WIPF3: variants seen among roughly 807,000 people sequenced by gnomAD.
The protein encoded by WIPF3 is WAS/WASL interacting protein family member 3, also known as WAS/WASL-interacting protein family member 3.
Under a neutral mutation model 38.9 loss-of-function variants are expected in WIPF3, and 33 were observed. That is an observed-to-expected ratio of 0.85 (90% CI 0.64 to 1.14). The LOEUF (loss-of-function observed/expected upper bound fraction) is 1.14. WIPF3 is among the 50% of genes most tolerant of loss of function. The pLI is 0.00. For missense variants in WIPF3, 711 were observed against 652.5 expected (o/e 1.09, Z -0.98); for synonymous variants, 324 against 269.3 (o/e 1.20, Z -1.99).
At position 29,916,210 on chromosome 7, in the gene WIPF3, G is replaced by A. The variant is rs1786611902; in HGVS notation, c.*1694G>A. The A allele has an allele frequency of 6.6e-6, 1 of 152,168 alleles. No individual in the cohort carries two copies. Among genetic ancestry groups the A allele is most frequent in the Non-Finnish European group, 1.5e-5 (1 of 68,034 alleles). 9.4% of individuals were successfully genotyped at this position (152,168 alleles called of 1,614,324 possible). A position where few individuals can be genotyped will look rare whatever the true frequency, so the allele number is the denominator to read the frequency against. ...TAACTAATTTGTTTTATTGGTTCTG[G>A]AAGATTTCCAAAAAGCCAGAATTTA... On this transcript the variant is annotated 3_prime_UTR_variant, in exon 9 of 9. Coordinates refer to ENST00000242140, the MANE Select transcript of WIPF3 (RefSeq NM_001080529.3).
At chr7:29,851,169 C>T (rs1785089073) in intron 2 of WIPF3, among the ~76,000 whole-genome samples, 1 of 152,146 alleles carries the variant, frequency 6.6e-6, no homozygotes, top group African/African-American at 2.4e-5. Flanking sequence ...GCCATGTCAC[C>T]TTCTGCTTCT....
chr7:29,877,781 A>G (rs1256577243), intron 3 of WIPF3, among the ~76,000 whole-genome samples: 1 of 152,232 alleles, frequency 6.6e-6, no homozygotes, highest in Non-Finnish European at 1.5e-5. Context: ...GTGTAAAGGT[A>G]CATATGAAAC....
At chr7:29,859,323 C>T (rs925050505) in intron 2 of WIPF3, among the ~76,000 whole-genome samples, 3 of 152,206 alleles carry the variant, frequency 2.0e-5, no homozygotes, top group Non-Finnish European at 4.4e-5. Flanking sequence ...GACCAGGTGA[C>T]ATTCCATGTC....
At chr7:29,828,200 T>G (rs191913782) in intron 1 of WIPF3, among the ~76,000 whole-genome samples, 65 of 152,202 alleles carry the variant, frequency 4.3e-4, no homozygotes, top group Non-Finnish European at 7.8e-4. Flanking sequence ...CAGACTACTC[T>G]TGGAGAAAAA....
chr7:29,831,139 G>A (rs764492154), intron 1 of WIPF3, among the ~76,000 whole-genome samples: 5 of 152,096 alleles, frequency 3.3e-5, no homozygotes, highest in Non-Finnish European at 7.4e-5. Context: ...TCCAAATTTT[G>A]TACTTATTGT....
rs956553653 is a variant in WIPF3 at position 29,904,196 on chromosome 7, T to A, written c.1352-90T>A. On this transcript the variant is annotated intron_variant, in intron 7 of 8. Coordinates refer to ENST00000242140, the MANE Select transcript of WIPF3 (RefSeq NM_001080529.3). The stretch of plus-strand genomic sequence containing the variant: ...CAGGATCCTGAAGGTTTCATTGTTT[T>A]AAGTGCTGATTTAGAGAAAGTTTCT... 1.7e-5 allele frequency: 21 copies of A among 1,270,288 alleles called. No homozygotes were observed. The African/African-American group carries it at 2.8e-4, about 17-fold the overall frequency. 78.7% of individuals were successfully genotyped at this position (1,270,288 alleles called of 1,614,324 possible).
At chr7:29,909,776 G>A (rs952669016) in intron 8 of WIPF3, among the ~76,000 whole-genome samples, 2 of 151,888 alleles carry the variant, frequency 1.3e-5, no homozygotes, top group Non-Finnish European at 2.9e-5. Flanking sequence ...CGTGGCTGTA[G>A]TCTAGCTACT....
intron 5 of WIPF3, among the ~76,000 whole-genome samples, chr7:29,887,368 G>C: frequency 6.6e-6 from 1 of 152,180 alleles, no homozygotes; most frequent in East Asian, 1.9e-4. Context: ...AGCAGCAGTG[G>C]AACCCCTGCA....
intron 7 of WIPF3, among the ~76,000 whole-genome samples, chr7:29,899,616 G>A (rs1161080429): frequency 6.6e-6 from 1 of 152,154 alleles, no homozygotes; most frequent in Non-Finnish European, 1.5e-5. Context: ...AAAACAATTT[G>A]GAAATAGCAC....
At chr7:29,857,692 G>A (rs1317239337) in intron 2 of WIPF3, among the ~76,000 whole-genome samples, 1 of 152,120 alleles carries the variant, frequency 6.6e-6, no homozygotes, top group African/African-American at 2.4e-5. Context: ...TGACTGTGGA[G>A]CTTTAATGTA....
At position 29,879,032 on chromosome 7, in the gene WIPF3, G is replaced by T; in HGVS notation, c.247G>T (p.Gly83Ter). Residue 83 changes from glycine to a stop codon, truncating the protein, a stop_gained, in exon 4 of 9, where the codon GGA becomes TGA. Transcript: ENST00000242140. LOFTEE classifies it high-confidence loss of function. Reference protein sequence around the residue: ...IESSKGTNKEGGGSANTRGAS... With the variant: ...IESSKGTNKE ...AGGTTCTAAAGGAACCAACAAAGAAGGAGGAGGTTCTGCAAACACACGAGG... is the reference window on the plus strand; with the variant it reads ...AGGTTCTAAAGGAACCAACAAAGAATGAGGAGGTTCTGCAAACACACGAGG... The T allele has an allele frequency of 6.2e-7, 1 of 1,601,940 alleles. No homozygotes were observed.
chr7:29,820,972 G>A (rs762419807), intron 1 of WIPF3, among the ~76,000 whole-genome samples: 4 of 152,132 alleles, frequency 2.6e-5, no homozygotes, highest in South Asian at 2.1e-4. Flanking sequence ...TTCCGATAGC[G>A]TATTTCCATA....
At chr7:29,808,194 CTCATTGT>C (rs1784314985) in intron 1 of WIPF3, among the ~76,000 whole-genome samples, 1 of 152,210 alleles carries the variant, frequency 6.6e-6, no homozygotes, top group South Asian at 2.1e-4. Flanking sequence ...CTAAAGTCCA[CTCATTGT>C]GGTAACACAC....
At position 29,884,271 on chromosome 7, in the gene WIPF3, CA is replaced by C; in HGVS notation, c.778del (p.Ile260SerfsTer114). 1 of 1,487,768 alleles carries C rather than the reference CA, an allele frequency of 6.7e-7. No individual in the cohort carries two copies. The highest frequency in any genetic ancestry group is 9.1e-7 in the Non-Finnish European group (1 of 1,103,682). The allele number at this position is 1,487,768 out of a possible 1,614,324, so 92.2% of individuals were successfully genotyped here. On this transcript the variant is annotated frameshift_variant, in exon 5 of 9. Coordinates refer to ENST00000242140, the MANE Select transcript of WIPF3 (RefSeq NM_001080529.3). LOFTEE classifies it high-confidence loss of function. Reference sequence around the variant, plus strand: ...AGCTGGCTCCCTTGCACCTCCCGCCCATCCCGCCCCCGCTCCCTCTGCTCCC... The same window carrying C: ...AGCTGGCTCCCTTGCACCTCCCGCCCTCCCGCCCCCGCTCCCTCTGCTCCC... The part of the protein sequence containing the change: ...PQLAPLHLPP[I>X]PPPLPLLPPC...
rs771232404 is a variant in WIPF3, at chr7:29,883,919, G to T, written c.425G>T (p.Gly142Val). 5.7e-6 allele frequency: 9 copies of T among 1,567,938 alleles called. No individual in the cohort carries two copies. The highest frequency in any genetic ancestry group is 6.9e-6 in the Non-Finnish European group (8 of 1,157,108). The part of the protein sequence containing the change: ...SPRLPNKTIS[G>V]PLIPPASPRL... ...AGGCTTCCCAACAAAACCATCAGCG[G>T]CCCGCTTATCCCGCCTGCCTCTCCC... Residue 142 changes from glycine (G) to valine (V), a missense_variant, in exon 5 of 9, where the codon GGC becomes GTC. By Grantham distance (109) the Gly-to-Val change is moderately radical. Coordinates refer to ENST00000242140, the MANE Select transcript of WIPF3 (RefSeq NM_001080529.3).
intron 7 of WIPF3, among the ~76,000 whole-genome samples, chr7:29,896,980 C>T (rs1407223149): frequency 1.3e-5 from 2 of 152,168 alleles, no homozygotes; most frequent in African/African-American, 2.4e-5. Context: ...AAGTCCTGAA[C>T]AACTCCCCAT....
intron 1 of WIPF3, among the ~76,000 whole-genome samples, chr7:29,821,615 A>G (rs1009888294): frequency 1.2e-4 from 19 of 152,328 alleles, no homozygotes; most frequent in South Asian, 1.0e-3. Context: ...ATAGAATTAA[A>G]TCTTCCTTTT....
Position 29,888,147 on chromosome 7 carries a change from G to A in WIPF3, c.1179G>A (p.Gln393=), listed in dbSNP as rs541008676. Residue 393 remains glutamine (Q), a synonymous_variant, in exon 6 of 9, where the codon CAG becomes CAA. Transcript: ENST00000242140. ...CCACAGAGCTTTCAAGCAAGAGCCAGCAGGCCACAGCCTGGACCCCGACGC... is the reference window on the plus strand; with the variant it reads ...CCACAGAGCTTTCAAGCAAGAGCCAACAGGCCACAGCCTGGACCCCGACGC... ...SPTTELSSKS[Q]QATAWTPTQQ... 1 of 1,613,786 alleles carries A rather than the reference G, an allele frequency of 6.2e-7. No individual in the cohort carries two copies. Among genetic ancestry groups the A allele is most frequent in the African/African-American group, 1.3e-5 (1 of 75,036 alleles).
chr7:29,875,411 T>C (rs1785568893), intron 2 of WIPF3, among the ~76,000 whole-genome samples: 1 of 151,902 alleles, frequency 6.6e-6, no homozygotes, highest in Non-Finnish European at 1.5e-5. Flanking sequence ...GCAACTCCCA[T>C]CGTCAAGTGG....
Sources: gnomAD v4.1 joint callset for allele counts (sites outside exome capture counted in the v4.1 genomes callset) on GRCh38, gnomAD v4.1.1 for gene constraint, MANE v1.5 for transcripts, NCBI Gene and HGNC (gene_info 2026-07-23, HGNC 2026-07-21) for gene names.